Variants in MMS22L observed in about 807,000 individuals in gnomAD.
MMS22L encodes MMS22 like, DNA repair protein.
A neutral mutation model predicts 159.1 loss-of-function variants in MMS22L; 74 were observed. The ratio of observed to expected loss-of-function variants is 0.47; its 90% confidence interval spans 0.39 to 0.56. The LOEUF (loss-of-function observed/expected upper bound fraction) is 0.56, where lower values mean the gene tolerates loss of function less well. Ranked by LOEUF, MMS22L falls within the 20% of genes least tolerant of loss-of-function variation. The pLI, the probability that MMS22L is intolerant of heterozygous loss-of-function variation, is 0.00. For synonymous variants in MMS22L, 517 were observed against 506.9 expected, an observed-to-expected ratio of 1.02 and a Z score of -0.27; for missense variants, 1,351 against 1,422.1, an observed-to-expected ratio of 0.95 and a Z score of 0.80.
At chr6:97,151,920 T>A in intron 22 of MMS22L, 53 bp from the exon 23 acceptor site, 1 of 1,370,716 alleles carries the variant, frequency 7.3e-7, no homozygotes, top group Non-Finnish European at 1.0e-6. Context: ...ACCATCTGGA[T>A]CCTCATTTTT....
At position 97,269,958 on chromosome 6, in the gene MMS22L, T is replaced by A. The variant is rs756738645; in HGVS notation, c.641A>T (p.His214Leu). 12 of 1,612,602 alleles carry A rather than the reference T, an allele frequency of 7.4e-6. No homozygotes were observed. Among genetic ancestry groups the A allele is most frequent in the South Asian group, 1.1e-5 (1 of 90,704 alleles). The change falls in exon 7 of 25, where the codon CAC becomes CTC. Residue 214 changes from histidine to leucine, a missense_variant. By Grantham distance (99) the His-to-Leu change is moderately conservative (BLOSUM62 -3). Transcript: ENST00000683635. ...TAGCACCAGCCAATGTATATCCAAGTGGAGATGTAATAAATGCCATGACGG... is the reference window on the plus strand; with the variant it reads ...TAGCACCAGCCAATGTATATCCAAGAGGAGATGTAATAAATGCCATGACGG... ...FPPSWHLLHL[H>L]LDIHWLVLEI...
chr6:97,282,250 A>G (rs973533237), intron 2 of MMS22L, 64 bp downstream of exon 2: 20 of 1,536,820 alleles, frequency 1.3e-5, no homozygotes, highest in African/African-American at 9.6e-5. Context: ...GGCTGAAATA[A>G]CTAACATTCC....
chr6:97,203,949 G>A (rs1020165860), intron 14 of MMS22L, among the ~76,000 whole-genome samples: 1 of 152,100 alleles, frequency 6.6e-6, no homozygotes, highest in African/African-American at 2.4e-5. Flanking sequence ...AACAATATAT[G>A]ATGCTAAATT....
chr6:97,181,820 C>T (rs1582498178), intron 16 of MMS22L, 84 bp downstream of exon 16: 1 of 1,444,484 alleles, frequency 6.9e-7, no homozygotes, highest in East Asian at 2.3e-5. Context: ...GATCAGTCCT[C>T]ATTTGTGAAA....
intron 11 of MMS22L, among the ~76,000 whole-genome samples, chr6:97,241,909 A>G (rs535965713): frequency 4.6e-5 from 7 of 152,296 alleles, no homozygotes; most frequent in African/African-American, 1.7e-4. Context: ...GTATTTGTAT[A>G]GTTTTCAAGG....
intron 16 of MMS22L, among the ~76,000 whole-genome samples, chr6:97,180,202 C>T (rs577585559): frequency 1.3e-5 from 2 of 151,892 alleles, no homozygotes; most frequent in Non-Finnish European, 2.9e-5. Flanking sequence ...CCCGGGTTCA[C>T]GCCATTCTCC....
At chr6:97,283,731 A>G (rs561743669), upstream of MMS22L, 4 of 152,366 alleles carry the variant, frequency 2.6e-5, no homozygotes, top group African/African-American at 9.6e-5. Context: ...GACCAACCCA[A>G]CAATAGCAGA....
chr6:97,166,482 A>G (rs958160535), intron 20 of MMS22L, among the ~76,000 whole-genome samples: 2 of 152,254 alleles, frequency 1.3e-5, no homozygotes, highest in Admixed American at 6.5e-5. Flanking sequence ...TTAAAACTGT[A>G]CCAAATAAAC....
chr6:97,278,267 G>T (rs1816434465), intron 4 of MMS22L, among the ~76,000 whole-genome samples: 1 of 151,974 alleles, frequency 6.6e-6, no homozygotes, highest in African/African-American at 2.4e-5. Flanking sequence ...GCTGGGGGTG[G>T]TGGCAGGTGC....
intron 18 of MMS22L, among the ~76,000 whole-genome samples, chr6:97,174,022 AG>A (rs1477278711): frequency 6.6e-6 from 1 of 152,066 alleles, no homozygotes; most frequent in Non-Finnish European, 1.5e-5. Flanking sequence ...TGGGAGGCCA[AG>A]GTGGGCAGAT....
At chr6:97,238,121 T>C (rs934141593) in intron 11 of MMS22L, among the ~76,000 whole-genome samples, 3 of 152,218 alleles carry the variant, frequency 2.0e-5, no homozygotes, top group Non-Finnish European at 2.9e-5. Context: ...CCTGGACAAG[T>C]TCTTCAAACA....
chr6:97,246,540 A>AT (rs1812661467), intron 11 of MMS22L, 88 bp downstream of exon 11: 3 of 1,030,420 alleles, frequency 2.9e-6, no homozygotes, highest in East Asian at 2.6e-5. Flanking sequence ...TTTCTGAATC[A>AT]TTTTAACAGC....
chr6:97,153,026 A>C (rs566343187), intron 22 of MMS22L, among the ~76,000 whole-genome samples: 1 of 151,770 alleles, frequency 6.6e-6, no homozygotes, highest in East Asian at 2.0e-4. Context: ...CTTTTTGTAG[A>C]GATGGAGGTC....
chr6:97,207,660 TAAGGCTTAA>T (rs947441190), intron 14 of MMS22L, among the ~76,000 whole-genome samples: 2 of 152,120 alleles, frequency 1.3e-5, no homozygotes, highest in African/African-American at 4.8e-5. Context: ...AGCACTGCAC[TAAGGCTTAA>T]TTAACCCTGT....
intron 11 of MMS22L, among the ~76,000 whole-genome samples, chr6:97,245,361 T>C (rs1229314999): frequency 2.0e-5 from 3 of 152,020 alleles, no homozygotes; most frequent in African/African-American, 7.2e-5. Flanking sequence ...TAACTCCCAA[T>C]AGAATAATAA....
chr6:97,158,836 C>T (rs1478606578), intron 22 of MMS22L, among the ~76,000 whole-genome samples: 1 of 151,966 alleles, frequency 6.6e-6, no homozygotes, highest in African/African-American at 2.4e-5. Flanking sequence ...TCTGCTTGGT[C>T]CAGAGCTGAG....
At chr6:97,243,700 A>G (rs1011605904) in intron 11 of MMS22L, among the ~76,000 whole-genome samples, 2 of 152,080 alleles carry the variant, frequency 1.3e-5, no homozygotes, top group African/African-American at 4.8e-5. Flanking sequence ...GGTCCTTCTC[A>G]TTTGGATAGA....
At chr6:97,161,833 T>A (rs1802468769) in intron 22 of MMS22L, among the ~76,000 whole-genome samples, 169 bp downstream of exon 22, 1 of 152,024 alleles carries the variant, frequency 6.6e-6, no homozygotes, top group Non-Finnish European at 1.5e-5. Flanking sequence ...AACCATTTTA[T>A]CATACCTAAT....
rs375085578 is a variant in MMS22L, at chr6:97,179,450, G to C, written c.2494C>G (p.Pro832Ala). The C allele has an allele frequency of 1.9e-6, 3 of 1,613,120 alleles. No homozygotes were observed. The African/African-American group carries it at 4.0e-5, about 22-fold the overall frequency. Residue 832 changes from proline (P) to alanine (A), a missense_variant, in exon 17 of 25, where the codon CCT becomes GCT. By Grantham distance (27) the Pro-to-Ala change is conservative. Coordinates refer to ENST00000683635, the MANE Select transcript of MMS22L (RefSeq NM_001350599.2). ...LQMYIKNLSG[P>A]DDLLIDKNLE... is the part of the protein sequence containing the mutation. Reference sequence around the variant, plus strand: ...TTTTTATCTATGAGCAAATCATCAGGCCCAGAGAGGTTTTTAATATACATT... The same window carrying C: ...TTTTTATCTATGAGCAAATCATCAGCCCCAGAGAGGTTTTTAATATACATT...
Sources: gnomAD v4.1 joint callset for allele counts (sites outside exome capture counted in the v4.1 genomes callset) on GRCh38, gnomAD v4.1.1 for gene constraint, MANE v1.5 for transcripts, NCBI Gene and HGNC (gene_info 2026-07-23, HGNC 2026-07-21) for gene names.